Variants in ITCH observed in about 807,000 individuals in gnomAD.
The protein encoded by ITCH is E3 ubiquitin-protein ligase Itchy homolog.
Under a neutral mutation model 126.8 loss-of-function variants are expected in ITCH, and 28 were observed. That is an observed-to-expected ratio of 0.22 (90% CI 0.16 to 0.30). The LOEUF (loss-of-function observed/expected upper bound fraction) is 0.30. ITCH is among the 10% of genes least tolerant of loss of function. ITCH has a pLI of 1.00. For missense variants in ITCH, 631 were observed against 1,032.4 expected, an observed-to-expected ratio of 0.61 and a Z score of 5.33; for synonymous variants, 342 against 340.0, an observed-to-expected ratio of 1.01 and a Z score of -0.06.
At chr20:34,404,415 CTTT>C (rs1302908229) in intron 3 of ITCH, among the ~76,000 whole-genome samples, 1 of 120,520 alleles carries the variant, frequency 8.3e-6, no homozygotes, top group Non-Finnish European at 1.8e-5. Context: ...GAGCTTCTGT[CTTT>C]TTTTTTTTTT....
intron 14 of ITCH, 22 bp from the exon 15 acceptor site, chr20:34,470,026 G>A (rs370827075): frequency 4.4e-6 from 7 of 1,599,560 alleles, no homozygotes; most frequent in East Asian, 2.2e-5. Context: ...TATATGTCCT[G>A]TTAACCCTTG....
intron 7 of ITCH, among the ~76,000 whole-genome samples, chr20:34,433,238 C>T (rs571224350): frequency 2.0e-5 from 3 of 152,150 alleles, no homozygotes; most frequent in Admixed American, 6.5e-5. Flanking sequence ...TGCAGTGAGC[C>T]GAGATCGTGC....
chr20:34,414,875 A>G (rs191530791), intron 6 of ITCH, among the ~76,000 whole-genome samples: 64 of 152,334 alleles, frequency 4.2e-4, no homozygotes, highest in South Asian at 2.9e-3. Flanking sequence ...TTACAGAGAT[A>G]TCTTTTGACA....
intron 9 of ITCH, 52 bp from the exon 10 acceptor site, chr20:34,442,156 A>G (rs1238867835): frequency 7.5e-7 from 1 of 1,325,254 alleles, no homozygotes; most frequent in East Asian, 2.3e-5. Flanking sequence ...AGGATTAAAA[A>G]GCCAGGTAAC....
chr20:34,378,484 A>AT, intron 2 of ITCH, among the ~76,000 whole-genome samples: 1 of 150,842 alleles, frequency 6.6e-6, no homozygotes, highest in Non-Finnish European at 1.5e-5. Flanking sequence ...AAAAAAAAAA[A>AT]AAAAAAAAAA....
At chr20:34,441,928 G>A in intron 9 of ITCH, 1 of 409,750 alleles carries the variant, frequency 2.4e-6, no homozygotes, top group South Asian at 2.2e-5. Context: ...GATTGAGAGT[G>A]ACTTCGGTAT....
intron 17 of ITCH, among the ~76,000 whole-genome samples, chr20:34,478,772 TATATG>T (rs1423324654): frequency 6.6e-6 from 1 of 152,194 alleles, no homozygotes; most frequent in Non-Finnish European, 1.5e-5. Context: ...TATTTCAAAA[TATATG>T]ATATAATCAT....
At chr20:34,488,236 G>A (rs1369852256) in intron 20 of ITCH, among the ~76,000 whole-genome samples, 1 of 146,902 alleles carries the variant, frequency 6.8e-6, no homozygotes, top group Non-Finnish European at 1.5e-5. Flanking sequence ...TGCATCTCTT[G>A]GTGATGCATT....
At chr20:34,413,698 G>T in intron 5 of ITCH, 44 bp from the exon 6 acceptor site, 1 of 1,577,844 alleles carries the variant, frequency 6.3e-7, no homozygotes, top group South Asian at 1.2e-5. Flanking sequence ...TGCCTTAACT[G>T]GGAAAAAAGT....
intron 1 of ITCH, among the ~76,000 whole-genome samples, chr20:34,364,073 T>G (rs2037312057): frequency 6.6e-6 from 1 of 152,140 alleles, no homozygotes; most frequent in Non-Finnish European, 1.5e-5. Context: ...CATGATGACA[T>G]GACTTTTAAG....
chr20:34,368,727 T>C (rs575133814), intron 1 of ITCH, among the ~76,000 whole-genome samples: 2 of 152,340 alleles, frequency 1.3e-5, no homozygotes, highest in African/African-American at 4.8e-5. Flanking sequence ...GCTTTTTTGC[T>C]TCTTTTCAGA....
At chr20:34,390,394 A>G (rs1180851622) in intron 2 of ITCH, among the ~76,000 whole-genome samples, 2 of 151,076 alleles carry the variant, frequency 1.3e-5, no homozygotes, top group African/African-American at 2.4e-5. Context: ...CATAATTACC[A>G]TGCTATAATG....
At chr20:34,365,527 G>C (rs1019980523) in intron 1 of ITCH, among the ~76,000 whole-genome samples, 1 of 151,994 alleles carries the variant, frequency 6.6e-6, no homozygotes, top group African/African-American at 2.4e-5. Context: ...CAATTCTTCT[G>C]CCTCAGCCTC....
At chr20:34,418,757 C>CTTTTTTT (rs373974620) in intron 6 of ITCH, among the ~76,000 whole-genome samples, 6 of 116,524 alleles carry the variant, frequency 5.1e-5, no homozygotes, top group African/African-American at 1.0e-4. Flanking sequence ...TCTTTTTTTC[C>CTTTTTTT]TTTTTTTTTT....
intron 7 of ITCH, among the ~76,000 whole-genome samples, chr20:34,425,244 A>C (rs1981346410): frequency 6.6e-6 from 1 of 152,218 alleles, no homozygotes; most frequent in Non-Finnish European, 1.5e-5. Context: ...GCCTGGTAAA[A>C]GTCATCGCCA....
At chr20:34,463,629 TCATA>T (rs1266360274) in intron 14 of ITCH, among the ~76,000 whole-genome samples, 3 of 152,004 alleles carry the variant, frequency 2.0e-5, no homozygotes, top group Non-Finnish European at 4.4e-5. Flanking sequence ...TTCATCATCA[TCATA>T]TTTTTTTTTA....
chr20:34,488,597 C>T (rs915655097), intron 20 of ITCH, among the ~76,000 whole-genome samples: 1 of 152,114 alleles, frequency 6.6e-6, no homozygotes, highest in Non-Finnish European at 1.5e-5. Flanking sequence ...CCTGTAATGC[C>T]AGCTACTCGG....
rs772973968 is a variant in ITCH, at chr20:34,507,812, C to T, written c.*18C>T. 10 of 1,549,922 alleles carry T rather than the reference C, an allele frequency of 6.5e-6. No individual in the cohort carries two copies. In the African/African-American group the frequency reaches 9.5e-5, roughly 15 times the overall value. On this transcript the variant is annotated 3_prime_UTR_variant, in exon 25 of 25. Coordinates refer to ENST00000374864, the MANE Select transcript of ITCH (RefSeq NM_031483.7). ...AAGAGTAACTTCTGAGAACTTGCAC[C>T]ATGAATGGGCAAGAACTTATTTGCA...
intron 7 of ITCH, 39 bp downstream of exon 7, chr20:34,424,564 G>T (rs1434443929): frequency 6.6e-7 from 1 of 1,519,664 alleles, no homozygotes; most frequent in East Asian, 2.3e-5. Flanking sequence ...AATGCGGAGA[G>T]ATAGATTTCC....
Sources: allele counts gnomAD v4.1 joint callset (sites outside exome capture counted in the v4.1 genomes callset), GRCh38; gene constraint gnomAD v4.1.1; transcripts MANE v1.5; gene names NCBI Gene and HGNC (gene_info 2026-07-23, HGNC 2026-07-21).